Variants in ARHGAP32 observed in about 807,000 individuals in gnomAD.
ARHGAP32 encodes rho GTPase-activating protein 32.
A neutral mutation model predicts 186.5 loss-of-function variants in ARHGAP32; 51 were observed. That is an observed-to-expected ratio of 0.27 (90% CI 0.22 to 0.35). ARHGAP32 has a LOEUF of 0.35. Among genes scored for constraint, ARHGAP32 ranks in the 10% least tolerant of loss-of-function variants. The pLI is 1.00. For synonymous variants in ARHGAP32, 950 were observed against 964.3 expected (o/e 0.99, Z 0.27); for missense variants, 2,186 against 2,623.5 (o/e 0.83, Z 3.64).
chr11:128,988,267 C>T (rs1945937185), intron 12 of ARHGAP32, 142 bp from the exon 13 acceptor site: 1 of 595,850 alleles, frequency 1.7e-6, no homozygotes, highest in Admixed American at 3.0e-5. Flanking sequence ...TAATCCACTA[C>T]AAAAAATGAT....
intron 2 of ARHGAP32, among the ~76,000 whole-genome samples, chr11:129,159,028 T>C (rs761541309): frequency 2.6e-5 from 4 of 152,122 alleles, no homozygotes; most frequent in Non-Finnish European, 5.9e-5. Flanking sequence ...AGACACAACA[T>C]ACCAGAATTT....
chr11:129,220,229 C>T (rs1468333208), intron 1 of ARHGAP32, among the ~76,000 whole-genome samples: 1 of 152,010 alleles, frequency 6.6e-6, no homozygotes, highest in Non-Finnish European at 1.5e-5. Flanking sequence ...TGTTTATTCA[C>T]CATTTGGAGT....
intron 1 of ARHGAP32, among the ~76,000 whole-genome samples, chr11:129,275,454 T>C (rs1464157557): frequency 6.6e-6 from 1 of 152,192 alleles, no homozygotes; most frequent in Non-Finnish European, 1.5e-5. Context: ...TCATAGCTGG[T>C]ATGTGAACTC....
intron 1 of ARHGAP32, among the ~76,000 whole-genome samples, chr11:129,217,201 T>G (rs566442966): frequency 2.4e-4 from 36 of 152,314 alleles, no homozygotes; most frequent in Admixed American, 2.4e-3. Flanking sequence ...CTTTGCCTCT[T>G]TAAATCTTTT....
intron 1 of ARHGAP32, among the ~76,000 whole-genome samples, chr11:129,202,545 T>G (rs532687664): frequency 1.4e-4 from 21 of 152,314 alleles, no homozygotes; most frequent in Non-Finnish European, 2.9e-5. Context: ...AGTAAAATCA[T>G]GTATGCGATA....
intron 1 of ARHGAP32, chr11:129,203,049 G>A (rs568909926): frequency 6.6e-6 from 1 of 152,250 alleles, no homozygotes; most frequent in Non-Finnish European, 1.5e-5. Context: ...AATTCAAGTA[G>A]TCAGAGGCTA....
At chr11:129,249,378 G>C (rs1371179801) in intron 1 of ARHGAP32, among the ~76,000 whole-genome samples, 1 of 151,966 alleles carries the variant, frequency 6.6e-6, no homozygotes, top group African/African-American at 2.4e-5. Flanking sequence ...AATCAACTCA[G>C]AAGTATCAAT....
chr11:129,213,068 A>G (rs1323995732), intron 1 of ARHGAP32, among the ~76,000 whole-genome samples: 1 of 152,184 alleles, frequency 6.6e-6, no homozygotes, highest in East Asian at 1.9e-4. Flanking sequence ...ACAAAAACTT[A>G]TCTTTCATAA....
At chr11:129,120,415 G>C (rs1942495289) in intron 5 of ARHGAP32, among the ~76,000 whole-genome samples, 1 of 152,072 alleles carries the variant, frequency 6.6e-6, no homozygotes, top group Non-Finnish European at 1.5e-5. Context: ...GGATATACAA[G>C]GCTGGAATTC....
At chr11:129,100,902 G>A (rs543295173) in intron 5 of ARHGAP32, among the ~76,000 whole-genome samples, 13 of 152,130 alleles carry the variant, frequency 8.5e-5, no homozygotes, top group Non-Finnish European at 1.9e-4. Flanking sequence ...AAGCACCCTG[G>A]CACCCACTAG....
chr11:128,968,854 T>C lies in ARHGAP32; in HGVS notation c.*53A>G, dbSNP rs759350055. On this transcript the variant is annotated 3_prime_UTR_variant, in exon 23 of 23. Coordinates refer to ENST00000682385, the MANE Select transcript of ARHGAP32 (RefSeq NM_001378024.1). ...TAATCTTTTTGGTTATTGAAAAAAA[T>C]AGAACAGTCCACTGTCCAGCAGAGG... is the stretch of plus-strand genomic sequence containing the variant. The C allele has an allele frequency of 1.2e-5, 15 of 1,283,858 alleles. No individual in the cohort carries two copies. Among genetic ancestry groups the C allele is most frequent in the African/African-American group, 1.5e-5 (1 of 66,586 alleles). 79.5% of individuals were successfully genotyped at this position (1,283,858 alleles called of 1,614,324 possible).
At chr11:129,236,593 G>A (rs1257417108) in intron 1 of ARHGAP32, among the ~76,000 whole-genome samples, 24 of 152,116 alleles carry the variant, frequency 1.6e-4, no homozygotes, top group Admixed American at 1.6e-3. Flanking sequence ...TCTCAGTCAT[G>A]ATGTCTTTGC....
At position 128,986,070 on chromosome 11, in the gene ARHGAP32, C is replaced by T; in HGVS notation, c.1459G>A (p.Ala487Thr). 2 of 1,605,374 alleles carry T rather than the reference C, an allele frequency of 1.2e-6. No individual in the cohort carries two copies. The highest frequency in any genetic ancestry group is 1.7e-6 in the Non-Finnish European group (2 of 1,177,292). Reference sequence around the variant, plus strand: ...TTTATCAGCCTTTCTTCATCTGTTGCTGCTGAAACTGCATCCTAGAAGAGT... The same window carrying T: ...TTTATCAGCCTTTCTTCATCTGTTGTTGCTGAAACTGCATCCTAGAAGAGT... ...YEKFSDAVSA[A>T]TDEERLIKIH... Residue 487 changes from alanine to threonine, a missense_variant, in exon 15 of 23, where the codon GCA (alanine) becomes ACA (threonine). Transcript: ENST00000682385.
rs191804711 is a variant in ARHGAP32 at position 129,110,502 on chromosome 11, T to C, written c.444+12944A>G. On this transcript the variant is annotated intron_variant, in intron 5 of 22. Coordinates refer to ENST00000682385, the MANE Select transcript of ARHGAP32 (RefSeq NM_001378024.1). The stretch of plus-strand genomic sequence containing the variant: ...AATGGCATTGGTATTTTCATAGACA[T>C]TGTATTGAATCTACAAATTGCTTTG... 4.9e-3 allele frequency among the ~76,000 whole-genome samples: 742 copies of C among 152,300 alleles called. 12 individuals carry two copies. The highest frequency in any genetic ancestry group is 0.017 in the African/African-American group (700 of 41,576).
chr11:129,178,761 T>C (rs557382494), intron 1 of ARHGAP32, among the ~76,000 whole-genome samples: 3 of 151,702 alleles, frequency 2.0e-5, no homozygotes, highest in Non-Finnish European at 2.9e-5. Context: ...TGAAACTGGA[T>C]CCCTTCCTTA....
At chr11:129,176,787 G>C (rs1943925508) in intron 1 of ARHGAP32, among the ~76,000 whole-genome samples, 1 of 151,354 alleles carries the variant, frequency 6.6e-6, no homozygotes, top group Non-Finnish European at 1.5e-5. Flanking sequence ...ATTCAAAGCA[G>C]TGTGTAGAGG....
At position 128,970,826 on chromosome 11, in the gene ARHGAP32, T is replaced by C. The variant is rs2136065717; in HGVS notation, c.4387A>G (p.Thr1463Ala). Residue 1463 changes from threonine (T) to alanine (A), a missense_variant, in exon 23 of 23, where the codon ACC (threonine) becomes GCC (alanine). Thr to Ala is a moderately conservative substitution (Grantham distance 58). This residue lies in a region of ARHGAP32 where 1,502 missense variants were observed against 1,570.0 expected (regional missense o/e 0.96). Coordinates refer to ENST00000682385, the MANE Select transcript of ARHGAP32 (RefSeq NM_001378024.1). This position sits in a 1 kb window ranked among gnomAD's most constrained non-coding sequence, Gnocchi z 5.8. ...NYHSFVTASS[T>A]SVDDALPLPL... ...AAAGGCAATGCATCGTCCACAGAGGTGGATGAAGCAGTGACAAAGGAATGA... is the reference window on the plus strand; with the variant it reads ...AAAGGCAATGCATCGTCCACAGAGGCGGATGAAGCAGTGACAAAGGAATGA... 1.2e-6 allele frequency: 2 copies of C among 1,613,934 alleles called. No individual in the cohort carries two copies. The highest frequency in any genetic ancestry group is 1.7e-6 in the Non-Finnish European group (2 of 1,180,000).
chr11:129,243,758 A>G (rs1175523301), intron 1 of ARHGAP32, among the ~76,000 whole-genome samples: 1 of 152,060 alleles, frequency 6.6e-6, no homozygotes, highest in Non-Finnish European at 1.5e-5. Flanking sequence ...ATAAAATGCC[A>G]TTATCAGAAT....
chr11:129,161,284 A>AC (rs1228953983), intron 2 of ARHGAP32, among the ~76,000 whole-genome samples: 1 of 152,174 alleles, frequency 6.6e-6, no homozygotes, highest in Non-Finnish European at 1.5e-5. Context: ...CAATAGCAAA[A>AC]AAAAAGCCAA....
Sources: gnomAD v4.1 joint callset for allele counts (sites outside exome capture counted in the v4.1 genomes callset) on GRCh38, gnomAD v4.1.1 for gene constraint, gnomAD v4.1.1 regional missense constraint, Gnocchi (gnomAD v3.1) non-coding constraint, MANE v1.5 for transcripts, NCBI Gene and HGNC (gene_info 2026-07-23, HGNC 2026-07-21) for gene names.